PATJ: variants seen among roughly 807,000 people sequenced by gnomAD.
PATJ encodes the protein inaD-like protein.
Under a neutral mutation model 224.9 loss-of-function variants are expected in PATJ, and 190 were observed. That is an observed-to-expected ratio of 0.84 (90% confidence interval 0.75 to 0.95). The LOEUF is 0.95. Among genes scored for constraint, PATJ ranks in the 40% least tolerant of loss-of-function variants. The pLI is 0.00. For synonymous variants in PATJ, 769 were observed against 820.3 expected, an observed-to-expected ratio of 0.94 and a Z score of 1.07; for missense variants, 2,121 against 2,270.3, an observed-to-expected ratio of 0.93 and a Z score of 1.34.
chr1:61,952,253 TGAGAGAGA>T (rs111315851), intron 27 of PATJ: 16 of 475,084 alleles, frequency 3.4e-5, no homozygotes, highest in Non-Finnish European at 5.7e-5. Flanking sequence ...GAACAAAATC[TGAGAGAGA>T]GAGAGAGAGA....
chr1:62,032,047 C>T (rs2148480637), intron 29 of PATJ, among the ~76,000 whole-genome samples: 1 of 152,214 alleles, frequency 6.6e-6, no homozygotes, highest in African/African-American at 2.4e-5. Flanking sequence ...TGTTTATTGG[C>T]TCACAGTTGT....
intron 18 of PATJ, among the ~76,000 whole-genome samples, chr1:61,859,283 G>A (rs900685030): frequency 3.9e-5 from 6 of 152,176 alleles, no homozygotes; most frequent in Non-Finnish European, 8.8e-5. Context: ...GCATTACTCT[G>A]AGAGTGTTTT....
chr1:62,053,718 TA>T (rs61264854), intron 31 of PATJ, among the ~76,000 whole-genome samples: 50,650 of 146,156 alleles, frequency 0.35, 9,292 homozygotes, highest in Middle Eastern at 0.5. Context: ...AAATTCCGTC[TA>T]AAAAAAAAAA....
At chr1:61,862,538 C>T (rs1332705895) in intron 19 of PATJ, among the ~76,000 whole-genome samples, 1 of 152,050 alleles carries the variant, frequency 6.6e-6, no homozygotes, top group African/African-American at 2.4e-5. Context: ...TATCACATTG[C>T]CTCTCTAAAT....
At chr1:61,843,751 A>G (rs922315763) in intron 17 of PATJ, among the ~76,000 whole-genome samples, 2 of 151,702 alleles carry the variant, frequency 1.3e-5, no homozygotes, top group Admixed American at 1.3e-4. Context: ...ATAAATGCCT[A>G]TGCTTTTCTT....
chr1:61,941,005 T>A (rs1462194012), intron 27 of PATJ, among the ~76,000 whole-genome samples: 1 of 152,178 alleles, frequency 6.6e-6, no homozygotes, highest in Non-Finnish European at 1.5e-5. Context: ...TTTTCTCTTC[T>A]TACTCTTTAT....
chr1:61,829,854 A>C (rs189556044), intron 16 of PATJ, among the ~76,000 whole-genome samples: 18 of 152,270 alleles, frequency 1.2e-4, no homozygotes, highest in African/African-American at 4.3e-4. Flanking sequence ...TAAAACATCA[A>C]TCATGTTGTA....
intron 33 of PATJ, among the ~76,000 whole-genome samples, chr1:62,085,222 A>G (rs1244578027): frequency 6.6e-6 from 1 of 152,088 alleles, no homozygotes; most frequent in Non-Finnish European, 1.5e-5. Context: ...AGATCGTGCT[A>G]CTGCACTCTA....
chr1:61,920,379 A>G (rs1571296164), intron 26 of PATJ, among the ~76,000 whole-genome samples: 1 of 152,000 alleles, frequency 6.6e-6, no homozygotes, highest in Non-Finnish European at 1.5e-5. Context: ...TGGTTTTAAA[A>G]CCAGGAGTTT....
intron 41 of PATJ, among the ~76,000 whole-genome samples, chr1:62,144,829 A>T (rs1047084038): frequency 6.9e-6 from 1 of 144,346 alleles, no homozygotes; most frequent in African/African-American, 2.6e-5. Flanking sequence ...TTATTCTACT[A>T]TACCTTTGTT....
chr1:61,814,722 C>T (rs550487428), intron 14 of PATJ, among the ~76,000 whole-genome samples: 9 of 152,164 alleles, frequency 5.9e-5, no homozygotes, highest in Middle Eastern at 3.4e-3. Flanking sequence ...TGGAAATTTG[C>T]GTCCTAATTC....
chr1:62,002,725 A>AG (rs1287697596), intron 28 of PATJ, among the ~76,000 whole-genome samples: 1 of 132,670 alleles, frequency 7.5e-6, no homozygotes, highest in African/African-American at 2.8e-5. Context: ...AAAAAAAAAA[A>AG]AAAAAAAAAG....
Position 62,036,871 on chromosome 1 carries a change from C to CAAAAAAAA in PATJ, c.3960-1103_3960-1096dup, listed in dbSNP as rs55761910. 3.8e-3 allele frequency among the ~76,000 whole-genome samples: 255 copies of CAAAAAAAA among 67,320 alleles called. 18 individuals carry two copies. The highest frequency in any genetic ancestry group is 0.012 in the African/African-American group (209 of 17,910). 44.2% of individuals were successfully genotyped at this position (67,320 alleles called of 152,430 possible). ...TTGGTGACAAAGTGAGACTCCATCT[C>CAAAAAAAA]AAAAAAAAAAGAAGGAAGAAAGGAA... On this transcript the variant is annotated intron_variant, in intron 29 of 43. Coordinates refer to ENST00000642238, the MANE Select transcript of PATJ (RefSeq NM_001350145.3).
At chr1:62,075,914 T>C (rs1658218107) in intron 31 of PATJ, among the ~76,000 whole-genome samples, 1 of 142,220 alleles carries the variant, frequency 7.0e-6, no homozygotes, top group African/African-American at 2.7e-5. Flanking sequence ...CGAGACTCCG[T>C]CTCAAAAAAA....
intron 41 of PATJ, among the ~76,000 whole-genome samples, chr1:62,139,399 CAAAAAAAAAAAAA>C (rs4019658): frequency 2.8e-4 from 27 of 94,880 alleles, no homozygotes; most frequent in South Asian, 2.8e-3. Flanking sequence ...GACTCCATCT[CAAAAAAAAAAAAA>C]AAAAAAAAAA....
At chr1:61,756,464 A>G (rs995890397) in intron 1 of PATJ, among the ~76,000 whole-genome samples, 1 of 151,650 alleles carries the variant, frequency 6.6e-6, no homozygotes, top group Non-Finnish European at 1.5e-5. Flanking sequence ...GGGACTCTGC[A>G]ATTTGTGTTT....
At position 62,163,461 on chromosome 1, in the gene PATJ, CTTTA is replaced by C. The variant is rs1009510912; in HGVS notation, c.*2411_*2414del. On this transcript the variant is annotated 3_prime_UTR_variant, in exon 44 of 44. Transcript: ENST00000642238. The stretch of plus-strand genomic sequence containing the variant: ...ATAATAGTTTTGAAATGGGATTCTG[CTTTA>C]TTTTGATGGAATGGCCATTAAATAC... The C allele has an allele frequency of 3.3e-5, 5 of 152,464 alleles. No homozygotes were observed. Among genetic ancestry groups the C allele is most frequent in the Admixed American group, 2.6e-4 (4 of 15,246 alleles). 9.4% of individuals were successfully genotyped at this position (152,464 alleles called of 1,614,324 possible). A position where few individuals can be genotyped will look rare whatever the true frequency, so the allele number is the denominator to read the frequency against.
intron 28 of PATJ, among the ~76,000 whole-genome samples, chr1:61,990,872 A>AG (rs1262041291): frequency 4.6e-5 from 7 of 152,210 alleles, no homozygotes. Flanking sequence ...TAGGAATAGA[A>AG]TAGACAAAAG....
intron 28 of PATJ, among the ~76,000 whole-genome samples, chr1:62,011,291 TC>T (rs1434607977): frequency 6.6e-6 from 1 of 152,238 alleles, no homozygotes; most frequent in African/African-American, 2.4e-5. Flanking sequence ...TTTCATCATT[TC>T]TAGCTTTTGA....
Sources: allele counts gnomAD v4.1 joint callset (sites outside exome capture counted in the v4.1 genomes callset), GRCh38; gene constraint gnomAD v4.1.1; transcripts MANE v1.5; gene names NCBI Gene and HGNC (gene_info 2026-07-23, HGNC 2026-07-21).